Variants in DGKI observed in about 807,000 individuals in gnomAD.
The protein encoded by DGKI is diacylglycerol kinase iota, also known as DAG kinase iota.
A neutral mutation model predicts 147.5 loss-of-function variants in DGKI; 55 were observed. The ratio of observed to expected loss-of-function variants is 0.37; its 90% CI spans 0.30 to 0.47. The LOEUF (loss-of-function observed/expected upper bound fraction) is 0.47. Among genes scored for constraint, DGKI ranks in the 20% least tolerant of loss-of-function variants. DGKI has a pLI of 1.00. For missense variants in DGKI, 1,007 were observed against 1,323.8 expected (o/e 0.76, Z 3.71); for synonymous variants, 469 against 477.1 (o/e 0.98, Z 0.22).
chr7:137,398,059 C>T (rs1204140365), intron 30 of DGKI, among the ~76,000 whole-genome samples: 1 of 152,210 alleles, frequency 6.6e-6, no homozygotes, highest in African/African-American at 2.4e-5. Context: ...CACTGCTTCT[C>T]TCCCTGCCAT....
At chr7:137,658,093 A>G (rs1822288300) in intron 3 of DGKI, among the ~76,000 whole-genome samples, 1 of 152,236 alleles carries the variant, frequency 6.6e-6, no homozygotes, top group African/African-American at 2.4e-5. Context: ...GCTTTTGCAC[A>G]TAACAATGAT....
chr7:137,769,150 G>C (rs1796104709), intron 1 of DGKI, among the ~76,000 whole-genome samples: 1 of 152,196 alleles, frequency 6.6e-6, no homozygotes, highest in Admixed American at 6.5e-5. Flanking sequence ...ATCTCTTGCT[G>C]CTTCTGCGAC....
intron 1 of DGKI, among the ~76,000 whole-genome samples, chr7:137,800,693 G>T (rs988879390): frequency 2.0e-5 from 3 of 152,122 alleles, no homozygotes; most frequent in Non-Finnish European, 4.4e-5. Flanking sequence ...TGTTTAACAG[G>T]TATAAAACTA....
intron 1 of DGKI, among the ~76,000 whole-genome samples, chr7:137,785,086 C>T (rs1441472035): frequency 1.3e-5 from 2 of 151,502 alleles, no homozygotes; most frequent in Non-Finnish European, 2.9e-5. Flanking sequence ...ACAATCTAAA[C>T]TCAAACCAAG....
intron 28 of DGKI, among the ~76,000 whole-genome samples, chr7:137,420,284 C>A (rs183533324): frequency 3.9e-5 from 6 of 152,126 alleles, no homozygotes; most frequent in African/African-American, 1.4e-4. Flanking sequence ...TCCACGTTTG[C>A]GCATATACAA....
Position 137,388,099 on chromosome 7 carries a change from G to A in DGKI, c.*3121C>T, listed in dbSNP as rs534910027. The A allele has an allele frequency of 6.6e-6, 1 of 152,288 alleles. No individual in the cohort carries two copies. Among genetic ancestry groups the A allele is most frequent in the Admixed American group, 6.5e-5 (1 of 15,280 alleles). The allele number at this position is 152,288 out of a possible 1,614,324, so 9.4% of individuals were successfully genotyped here. A position where few individuals can be genotyped will look rare whatever the true frequency, so the allele number is the denominator to read the frequency against. ...AAATTATGTTTCAAAACTTGCACTG[G>A]TTTTTGGTTATCACATCTACAGAGG... On this transcript the variant is annotated 3_prime_UTR_variant, in exon 33 of 33. Coordinates refer to ENST00000614521, the MANE Select transcript of DGKI (RefSeq NM_001321708.2).
intron 18 of DGKI, among the ~76,000 whole-genome samples, chr7:137,571,676 G>T (rs550256116): frequency 6.6e-6 from 1 of 152,268 alleles, no homozygotes; most frequent in African/African-American, 2.4e-5. Flanking sequence ...GGAAGCATTT[G>T]CCATTAATAC....
rs1813619691 is a variant in DGKI, at chr7:137,444,137, T to C, written c.2736-35A>G. On this transcript the variant is annotated intron_variant, in intron 27 of 32. Coordinates refer to ENST00000614521, the MANE Select transcript of DGKI (RefSeq NM_001321708.2). ...AATAATAAGCATGATCAATATTTTA[T>C]ATGATAATTATAATGATAATCAAGA... 5.9e-6 allele frequency: 7 copies of C among 1,179,120 alleles called. No individual in the cohort carries two copies. The East Asian group carries it at 1.6e-4, about 26-fold the overall frequency. 73.0% of individuals were successfully genotyped at this position (1,179,120 alleles called of 1,614,324 possible). A position where few individuals can be genotyped will look rare whatever the true frequency, so the allele number is the denominator to read the frequency against.
rs568760165 is a variant in DGKI, at chr7:137,554,170, G to A, written c.1948-1602C>T. Among the ~76,000 whole-genome samples, 4 of 152,294 alleles carry A rather than the reference G, an allele frequency of 2.6e-5. No individual in the cohort carries two copies. In the East Asian group the frequency reaches 7.7e-4, roughly 29 times the overall value. Reference sequence around the variant, plus strand: ...AGGAAGTACTGTAATTAGCTTTTCAGGGTAGAGACATTTCCATTATTGTTA... The same window carrying A: ...AGGAAGTACTGTAATTAGCTTTTCAAGGTAGAGACATTTCCATTATTGTTA... On this transcript the variant is annotated intron_variant, in intron 19 of 32. Transcript: ENST00000614521.
At chr7:137,397,637 G>C (rs746262661) in intron 30 of DGKI, among the ~76,000 whole-genome samples, 7 of 152,176 alleles carry the variant, frequency 4.6e-5, no homozygotes, top group Non-Finnish European at 8.8e-5. Flanking sequence ...AGAATGGTAT[G>C]GTCTCTGCTG....
intron 1 of DGKI, among the ~76,000 whole-genome samples, chr7:137,782,080 G>A (rs1167009653): frequency 6.6e-6 from 1 of 152,166 alleles, no homozygotes; most frequent in Admixed American, 6.5e-5. Flanking sequence ...CAGAAAAGCT[G>A]AGAAAATCCA....
chr7:137,846,482 G>A lies in DGKI; in HGVS notation c.381C>T (p.Phe127=). Residue 127 remains phenylalanine (F), a synonymous_variant, in exon 1 of 33, where the codon TTC becomes TTT. Transcript: ENST00000614521. This position sits in a 1 kb window ranked among gnomAD's most constrained non-coding sequence, Gnocchi z 4.0. ...ALEEKLRNLT[F]RKQVSYRKAI... ...CCTACCTGTACGAGACCTGCTTCCG[G>A]AAAGTTAAGTTCCTCAGCTTCTCCT... 1 of 1,593,916 alleles carries A rather than the reference G, an allele frequency of 6.3e-7. No individual in the cohort carries two copies. Among genetic ancestry groups the A allele is most frequent in the Non-Finnish European group, 8.5e-7 (1 of 1,171,650 alleles).
chr7:137,775,856 T>TC (rs1796347012), intron 1 of DGKI, among the ~76,000 whole-genome samples: 1 of 152,116 alleles, frequency 6.6e-6, no homozygotes, highest in Non-Finnish European at 1.5e-5. Context: ...AAAAGTATAT[T>TC]CTTTTTTTTT....
intron 3 of DGKI, among the ~76,000 whole-genome samples, chr7:137,666,030 G>A (rs568634262): frequency 4.6e-5 from 7 of 152,194 alleles, no homozygotes; most frequent in Non-Finnish European, 7.3e-5. Context: ...TACATCCATC[G>A]TGTTTTGAGC....
rs1289895231 is a variant in DGKI, at chr7:137,482,409, C to T, written c.2373+2965G>A. 2.6e-5 allele frequency among the ~76,000 whole-genome samples: 4 copies of T among 151,972 alleles called. No homozygotes were observed. The East Asian group carries it at 7.8e-4, about 30-fold the overall frequency. On this transcript the variant is annotated intron_variant, in intron 23 of 32. Transcript: ENST00000614521. The stretch of plus-strand genomic sequence containing the variant: ...CAGTGGGCCCTCCTCTTTAACTGAA[C>T]TCCTCCCTAAGTGATCTCCTCCGGC...
intron 1 of DGKI, among the ~76,000 whole-genome samples, chr7:137,739,542 C>T (rs1229489454): frequency 6.6e-6 from 1 of 152,170 alleles, no homozygotes. Flanking sequence ...TGCAGGGCCT[C>T]TCTGGGAACT....
At chr7:137,580,314 T>C (rs1344599521) in intron 15 of DGKI, among the ~76,000 whole-genome samples, 2 of 152,094 alleles carry the variant, frequency 1.3e-5, no homozygotes, top group Non-Finnish European at 2.9e-5. Flanking sequence ...CCCCATGTAC[T>C]TCCCAAATTA....
chr7:137,775,962 G>C (rs527347732), intron 1 of DGKI, among the ~76,000 whole-genome samples: 10 of 151,984 alleles, frequency 6.6e-5, no homozygotes, highest in African/African-American at 2.4e-4. Flanking sequence ...GGGTTCAAGC[G>C]ATTCTCCTGC....
chr7:137,521,360 C>A (rs1209356681), intron 21 of DGKI, among the ~76,000 whole-genome samples: 1 of 152,048 alleles, frequency 6.6e-6, no homozygotes, highest in East Asian at 1.9e-4. Flanking sequence ...AATAATGGCA[C>A]CTCATCATCA....
Sources: allele counts gnomAD v4.1 joint callset (sites outside exome capture counted in the v4.1 genomes callset), GRCh38; gene constraint gnomAD v4.1.1; non-coding constraint Gnocchi (gnomAD v3.1); transcripts MANE v1.5; gene names NCBI Gene and HGNC (gene_info 2026-07-23, HGNC 2026-07-21).